ATAD2B: variants seen among roughly 807,000 people sequenced by gnomAD.
The protein encoded by ATAD2B is ATPase family AAA domain-containing protein 2B.
In ATAD2B, 40 loss-of-function variants were observed where a neutral mutation model predicts 167.6. The ratio of observed to expected loss-of-function variants is 0.24; its 90% CI spans 0.19 to 0.31. The LOEUF is 0.31. Ranked by LOEUF, ATAD2B falls within the 10% of genes least tolerant of loss-of-function variation. ATAD2B has a pLI of 1.00. For missense variants in ATAD2B, 1,242 were observed against 1,757.2 expected (o/e 0.71, Z 5.24); for synonymous variants, 579 against 596.5 (o/e 0.97, Z 0.43).
chr2:23,798,480 G>A (rs1051131646), intron 18 of ATAD2B, among the ~76,000 whole-genome samples, 157 bp from the exon 19 acceptor site: 5 of 150,106 alleles, frequency 3.3e-5, no homozygotes, highest in Non-Finnish European at 7.4e-5. Context: ...GCCTTACACA[G>A]CTTCAATCTA....
At chr2:23,728,160 G>T in the ATAD2B span, among the ~76,000 whole-genome samples, 2 of 152,044 alleles carry the variant, frequency 1.3e-5, no homozygotes, top group South Asian at 4.1e-4. Flanking sequence ...GGGTGGAGTG[G>T]GAGACGAGAT....
intron 1 of ATAD2B, among the ~76,000 whole-genome samples, chr2:23,900,437 A>T (rs1700683314): frequency 6.6e-6 from 1 of 152,168 alleles, no homozygotes; most frequent in South Asian, 2.1e-4. Flanking sequence ...TAAAGTGTGC[A>T]TTAAAGGTCA....
intron 1 of ATAD2B, among the ~76,000 whole-genome samples, chr2:23,896,944 C>G (rs1700234180): frequency 1.3e-5 from 2 of 152,100 alleles, no homozygotes; most frequent in Non-Finnish European, 2.9e-5. Flanking sequence ...TCCAGACAAG[C>G]CTGGTGAACC....
chr2:23,886,617 A>G (rs550206501), intron 4 of ATAD2B, among the ~76,000 whole-genome samples: 1 of 152,344 alleles, frequency 6.6e-6, no homozygotes, highest in South Asian at 2.1e-4. Context: ...TAGAAATTCA[A>G]GTAGAACACT....
the ATAD2B span, chr2:23,696,297 C>T: frequency 6.5e-7 from 1 of 1,547,202 alleles, no homozygotes. The surrounding 1 kb of genome is among the most constrained non-coding windows in gnomAD (Gnocchi z 5.5). Context: ...CCCTCCTCAC[C>T]CCGCCCGCTC....
intron 6 of ATAD2B, 80 bp from the exon 7 acceptor site, chr2:23,880,835 T>C (rs1371784256): frequency 1.2e-6 from 1 of 811,286 alleles, no homozygotes; most frequent in Non-Finnish European, 2.0e-6. Context: ...AACTGAATAT[T>C]TACACTTTAT....
At chr2:23,792,314 T>C (rs1367850292) in intron 19 of ATAD2B, among the ~76,000 whole-genome samples, 4 of 152,150 alleles carry the variant, frequency 2.6e-5, no homozygotes, top group Admixed American at 2.0e-4. Context: ...CCCAAAGTGC[T>C]GGGATTACAG....
intron 24 of ATAD2B, among the ~76,000 whole-genome samples, chr2:23,760,529 G>A (rs531649515): frequency 4.5e-4 from 68 of 151,824 alleles, no homozygotes; most frequent in Non-Finnish European, 8.5e-4. Flanking sequence ...CAGGTGTGCT[G>A]GCAGGCGCCT....
intron 19 of ATAD2B, among the ~76,000 whole-genome samples, chr2:23,796,166 G>A (rs1682588577): frequency 6.6e-6 from 1 of 152,128 alleles, no homozygotes; most frequent in Non-Finnish European, 1.5e-5. Flanking sequence ...ATAATCAAAA[G>A]AGAATTCCCA....
chr2:23,734,158 A>G, the ATAD2B span, among the ~76,000 whole-genome samples: 1 of 139,906 alleles, frequency 7.1e-6, no homozygotes, highest in Non-Finnish European at 1.6e-5. Context: ...TGGGTAACTT[A>G]TTTATTTATT....
At chr2:23,857,105 C>T (rs1176575566) in intron 13 of ATAD2B, among the ~76,000 whole-genome samples, 2 of 151,942 alleles carry the variant, frequency 1.3e-5, no homozygotes, top group Admixed American at 1.3e-4. Flanking sequence ...AACTTTGCAA[C>T]GCATTCGGTC....
At chr2:23,788,734 C>T (rs1572753632) in intron 19 of ATAD2B, 87 bp from the exon 20 acceptor site, 1 of 1,094,214 alleles carries the variant, frequency 9.1e-7, no homozygotes, top group Non-Finnish European at 1.3e-6. Flanking sequence ...TCTTCATCTT[C>T]CAGTATCATG....
At chr2:23,911,359 A>C (rs1278474356) in intron 1 of ATAD2B, among the ~76,000 whole-genome samples, 1 of 152,226 alleles carries the variant, frequency 6.6e-6, no homozygotes, top group East Asian at 1.9e-4. Context: ...GTTTGAAACC[A>C]GCTTGGCATC....
the ATAD2B span, chr2:23,706,587 A>G: frequency 1.3e-6 from 2 of 1,536,734 alleles, no homozygotes; most frequent in Non-Finnish European, 1.7e-6. Context: ...CAACACATGG[A>G]CCCTCCTCCC....
In ATAD2B at chr2:23,888,984, G is replaced by A. The variant is rs756860376; in HGVS notation, c.369-585C>T. Among the ~76,000 whole-genome samples, 299 of 152,128 alleles carry A rather than the reference G, an allele frequency of 2.0e-3. 2 individuals are homozygous for A. The highest frequency in any genetic ancestry group is 1.3e-3 in the Non-Finnish European group (89 of 67,974). On this transcript the variant is annotated intron_variant, in intron 2 of 27. Coordinates refer to ENST00000238789, the MANE Select transcript of ATAD2B (RefSeq NM_017552.4). Reference sequence around the variant, plus strand: ...AAAGGCCATCAAAACATGAGGACTAGGAAAAAGTCACCATACTTCTTAGTA... The same window carrying A: ...AAAGGCCATCAAAACATGAGGACTAAGAAAAAGTCACCATACTTCTTAGTA...
chr2:23,832,646 T>G (rs1195904906), intron 14 of ATAD2B: 5 of 155,442 alleles, frequency 3.2e-5, no homozygotes, highest in Non-Finnish European at 7.1e-5. Flanking sequence ...GACAGTGCTG[T>G]TCTAAACCTT....
intron 8 of ATAD2B, chr2:23,872,528 C>A (rs1346494366): frequency 6.7e-6 from 6 of 892,976 alleles, no homozygotes; most frequent in East Asian, 4.8e-5. Flanking sequence ...AGAGCTCTGG[C>A]TTTGAGAGTC....
intron 19 of ATAD2B, among the ~76,000 whole-genome samples, chr2:23,794,030 T>G (rs1682223050): frequency 2.6e-5 from 4 of 152,356 alleles, no homozygotes; most frequent in Admixed American, 2.0e-4. Flanking sequence ...ATCTTTTTTT[T>G]GAGACAGCGT....
At chr2:23,681,382 T>C in the ATAD2B span, among the ~76,000 whole-genome samples, 3,646 of 152,346 alleles carry the variant, frequency 0.024, 59 homozygotes, top group Non-Finnish European at 0.031. This position sits in a 1 kb window ranked among gnomAD's most constrained non-coding sequence, Gnocchi z 4.2. Context: ...CTTCCAGGTC[T>C]AGCTCCAGAA....
Sources: gnomAD v4.1 joint callset for allele counts (sites outside exome capture counted in the v4.1 genomes callset) on GRCh38, gnomAD v4.1.1 for gene constraint, Gnocchi (gnomAD v3.1) non-coding constraint, MANE v1.5 for transcripts, NCBI Gene and HGNC (gene_info 2026-07-23, HGNC 2026-07-21) for gene names.